The following MBNL2 variants were observed in gnomAD, a reference collection of about 807,000 sequenced individuals.
MBNL2 encodes muscleblind like splicing regulator 2, also known as muscleblind-like protein 2.
MBNL2 carries 17 observed loss-of-function variants against 41.9 expected under a neutral mutation model. The observed-to-expected ratio is 0.41, with a 90% CI of 0.28 to 0.61. The LOEUF (loss-of-function observed/expected upper bound fraction) is 0.61, where lower values mean the gene tolerates loss of function less well. Ranked by LOEUF, MBNL2 falls within the 20% of genes least tolerant of loss-of-function variation. MBNL2 has a pLI of 0.35. For missense variants in MBNL2, 336 were observed against 505.6 expected, an observed-to-expected ratio of 0.66 and a Z score of 3.22; for synonymous variants, 195 against 182.9, an observed-to-expected ratio of 1.07 and a Z score of -0.53.
intron 1 of MBNL2, among the ~76,000 whole-genome samples, chr13:97,259,794 G>A (rs1321368040): frequency 1.3e-5 from 2 of 152,124 alleles, no homozygotes; most frequent in Non-Finnish European, 2.9e-5. Flanking sequence ...CAACAACAGC[G>A]GTTGAGAAAG....
intron 8 of MBNL2, among the ~76,000 whole-genome samples, chr13:97,379,223 T>A (rs189773890): frequency 6.8e-4 from 104 of 152,292 alleles, no homozygotes; most frequent in Middle Eastern, 3.4e-3. Context: ...GAAAATATTG[T>A]TGCTTGGTGA....
intron 2 of MBNL2, among the ~76,000 whole-genome samples, chr13:97,279,995 T>C (rs1486413609): frequency 6.6e-6 from 1 of 152,212 alleles, no homozygotes; most frequent in African/African-American, 2.4e-5. Context: ...GTTTCAGTAT[T>C]ATTATGAACA....
At chr13:97,318,968 A>C (rs933610432) in intron 2 of MBNL2, among the ~76,000 whole-genome samples, 2 of 152,160 alleles carry the variant, frequency 1.3e-5, no homozygotes, top group Non-Finnish European at 2.9e-5. Flanking sequence ...GAGAAAAATT[A>C]GCAGGTATCT....
intron 2 of MBNL2, among the ~76,000 whole-genome samples, chr13:97,329,019 T>C (rs1182024959): frequency 6.6e-6 from 1 of 152,230 alleles, no homozygotes; most frequent in East Asian, 1.9e-4. Flanking sequence ...TGTAATTTAA[T>C]GGCTATGTAA....
intron 1 of MBNL2, among the ~76,000 whole-genome samples, chr13:97,262,739 C>T (rs1041244061): frequency 1.3e-5 from 2 of 151,972 alleles, no homozygotes; most frequent in African/African-American, 4.8e-5. Flanking sequence ...ACAGGACCCA[C>T]ATTTTGAAGT....
At chr13:97,236,153 A>G (rs2043235514) in intron 1 of MBNL2, among the ~76,000 whole-genome samples, 1 of 151,978 alleles carries the variant, frequency 6.6e-6, no homozygotes, top group Non-Finnish European at 1.5e-5. Context: ...TTTTTCACGT[A>G]TTCTTTCTTC....
At chr13:97,260,992 T>C (rs1301283662) in intron 1 of MBNL2, among the ~76,000 whole-genome samples, 1 of 152,180 alleles carries the variant, frequency 6.6e-6, no homozygotes, top group African/African-American at 2.4e-5. Flanking sequence ...GGGTGTTGTC[T>C]TGCCAATGAA....
intron 1 of MBNL2, among the ~76,000 whole-genome samples, chr13:97,253,761 TATTAATTTATTAATAC>T: frequency 1.5e-5 from 2 of 131,992 alleles, no homozygotes; most frequent in African/African-American, 8.1e-5. Context: ...TATTAATACG[TATTAATTTATTAATAC>T]GTATTAATAA....
intron 1 of MBNL2, among the ~76,000 whole-genome samples, chr13:97,243,514 A>G (rs1325719960): frequency 6.6e-6 from 1 of 152,044 alleles, no homozygotes; most frequent in African/African-American, 2.4e-5. Flanking sequence ...GCTGGTCATG[A>G]TTTTCCAACA....
intron 1 of MBNL2, among the ~76,000 whole-genome samples, chr13:97,272,045 G>C (rs548993278): frequency 6.6e-6 from 1 of 152,274 alleles, no homozygotes; most frequent in African/African-American, 2.4e-5. Context: ...CCCACCAACA[G>C]TATAAAAGCA....
the MBNL2 span, among the ~76,000 whole-genome samples, chr13:97,178,054 A>C: frequency 1.5e-3 from 235 of 152,360 alleles, 1 homozygote; most frequent in Middle Eastern, 3.4e-3. Flanking sequence ...TGTCAGAATA[A>C]ATCAACAAAT....
At chr13:97,205,468 G>A in the MBNL2 span, among the ~76,000 whole-genome samples, 1 of 152,068 alleles carries the variant, frequency 6.6e-6, no homozygotes, top group African/African-American at 2.4e-5. Context: ...TATGACAGAA[G>A]CAGAGTGTTC....
At chr13:97,198,171 C>T in the MBNL2 span, among the ~76,000 whole-genome samples, 1 of 152,156 alleles carries the variant, frequency 6.6e-6, no homozygotes, top group Non-Finnish European at 1.5e-5. Context: ...ATTGATGAGA[C>T]TGGATGAGAT....
the MBNL2 span, among the ~76,000 whole-genome samples, chr13:97,147,126 A>G: frequency 2.5e-3 from 379 of 152,304 alleles, 3 homozygotes; most frequent in African/African-American, 8.7e-3. Flanking sequence ...ATGAACTACT[A>G]TGGTTGGCTC....
the MBNL2 span, among the ~76,000 whole-genome samples, chr13:97,200,563 CA>C: frequency 2.6e-5 from 4 of 152,030 alleles, no homozygotes; most frequent in African/African-American, 4.8e-5. Context: ...CATTGGACAA[CA>C]AAAAAATCCT....
chr13:97,240,049 A>C (rs900483859), intron 1 of MBNL2, among the ~76,000 whole-genome samples: 4 of 152,210 alleles, frequency 2.6e-5, no homozygotes, highest in Non-Finnish European at 4.4e-5. Flanking sequence ...ATTTTGTTAG[A>C]TACACATACT....
chr13:97,295,601 C>CA (rs534764281), intron 2 of MBNL2, among the ~76,000 whole-genome samples: 161 of 152,238 alleles, frequency 1.1e-3, no homozygotes, highest in African/African-American at 3.4e-3. Flanking sequence ...CTGCAACGTG[C>CA]ACCGTAGTAA....
chr13:97,167,156 A>C, the MBNL2 span, among the ~76,000 whole-genome samples: 1 of 152,222 alleles, frequency 6.6e-6, no homozygotes, highest in Non-Finnish European at 1.5e-5. Context: ...TATATTGAGA[A>C]TAGCAATTAA....
the MBNL2 span, among the ~76,000 whole-genome samples, chr13:97,153,087 C>T: frequency 0.1 from 15,701 of 152,102 alleles, 922 homozygotes; most frequent in East Asian, 0.15. Flanking sequence ...CATAGAAAAC[C>T]AAGCAGCACC....
Sources: gnomAD v4.1 joint callset for allele counts (sites outside exome capture counted in the v4.1 genomes callset) on GRCh38, gnomAD v4.1.1 for gene constraint, MANE v1.5 for transcripts, NCBI Gene and HGNC (gene_info 2026-07-23, HGNC 2026-07-21) for gene names.